The following CRACD variants were observed in gnomAD, a reference collection of about 807,000 sequenced individuals.
CRACD encodes capping protein inhibiting regulator of actin dynamics, also known as capping protein-inhibiting regulator of actin dynamics.
In CRACD, 56 loss-of-function variants were observed where a neutral mutation model predicts 106.8. That is an observed-to-expected ratio of 0.52 (90% CI 0.42 to 0.66). The LOEUF (loss-of-function observed/expected upper bound fraction) is 0.66, where lower values mean the gene tolerates loss of function less well. CRACD is among the 30% of genes least tolerant of loss of function. The pLI, the probability that CRACD is intolerant of heterozygous loss-of-function variation, is 0.00. For missense variants in CRACD, 1,730 were observed against 1,623.2 expected, an observed-to-expected ratio of 1.07 and a Z score of -1.13; for synonymous variants, 754 against 670.8, an observed-to-expected ratio of 1.12 and a Z score of -1.92.
intron 2 of CRACD, among the ~76,000 whole-genome samples, chr4:56,262,762 A>C (rs545801666): frequency 1.3e-5 from 2 of 152,342 alleles, no homozygotes; most frequent in East Asian, 3.9e-4. Flanking sequence ...TGTACTTTCA[A>C]AATCCCAAAA....
chr4:56,077,022 T>C (rs1216632521), intron 1 of CRACD, among the ~76,000 whole-genome samples: 1 of 152,220 alleles, frequency 6.6e-6, no homozygotes, highest in African/African-American at 2.4e-5. Flanking sequence ...TATAAGAGTA[T>C]GCTAGTGGGA....
At chr4:56,180,700 T>C (rs2109436494) in intron 2 of CRACD, among the ~76,000 whole-genome samples, 1 of 152,250 alleles carries the variant, frequency 6.6e-6, no homozygotes, top group Admixed American at 6.5e-5. Flanking sequence ...AAACTACTCA[T>C]TAGTTGTCTT....
chr4:56,189,207 T>G (rs1340625222), intron 2 of CRACD, among the ~76,000 whole-genome samples: 1 of 150,588 alleles, frequency 6.6e-6, no homozygotes, highest in African/African-American at 2.4e-5. Context: ...CCAAAAACCA[T>G]ATTGGACACT....
intron 1 of CRACD, among the ~76,000 whole-genome samples, chr4:56,056,717 A>G (rs1002692968): frequency 9.9e-5 from 15 of 152,066 alleles, no homozygotes; most frequent in African/African-American, 3.1e-4. Context: ...TGCTTGAGCT[A>G]GGGAGGTTGA....
chr4:56,162,015 C>T (rs549652755), intron 1 of CRACD, among the ~76,000 whole-genome samples: 76 of 152,168 alleles, frequency 5.0e-4, no homozygotes, highest in African/African-American at 1.7e-3. Flanking sequence ...CTGCCCGCCT[C>T]GGCCTCCCAA....
chr4:56,213,539 C>G (rs180883346), intron 2 of CRACD, among the ~76,000 whole-genome samples: 1 of 152,182 alleles, frequency 6.6e-6, no homozygotes, highest in Non-Finnish European at 1.5e-5. Context: ...CCCTACACCC[C>G]CAATCCCCAG....
intron 1 of CRACD, among the ~76,000 whole-genome samples, chr4:56,078,671 C>T (rs1379794100): frequency 6.6e-6 from 1 of 152,192 alleles, no homozygotes; most frequent in African/African-American, 2.4e-5. Context: ...CCGCCTTGGT[C>T]TCCCAAAGTG....
Position 56,314,964 on chromosome 4 carries a change from A to G in CRACD, c.1462A>G (p.Thr488Ala). The change falls in exon 8 of 11, where the codon ACG (threonine) becomes GCG (alanine). Residue 488 changes from threonine to alanine, a missense_variant. Transcript: ENST00000682029. This position sits in a 1 kb window ranked among gnomAD's most constrained non-coding sequence, Gnocchi z 4.4. ...CGAGGAAAAGAGAGAAGAAGGGGAC[A>G]CGGAGCCTCTCCTGAAACAAGAGGG... ...GPEEKREEGDTEPLLKQEGPV... is the reference protein window; with the variant it reads ...GPEEKREEGDAEPLLKQEGPV... 3 of 1,589,804 alleles carry G rather than the reference A, an allele frequency of 1.9e-6. No individual in the cohort carries two copies. Among genetic ancestry groups the G allele is most frequent in the African/African-American group, 2.7e-5 (2 of 74,830 alleles).
chr4:56,271,892 G>A (rs1742370607), intron 2 of CRACD, among the ~76,000 whole-genome samples: 1 of 152,076 alleles, frequency 6.6e-6, no homozygotes, highest in Admixed American at 6.6e-5. Context: ...CTAAAGGCGT[G>A]CACCACCAAC....
intron 1 of CRACD, among the ~76,000 whole-genome samples, chr4:56,083,646 T>C (rs1348160802): frequency 6.6e-6 from 1 of 152,156 alleles, no homozygotes; most frequent in African/African-American, 2.4e-5. Flanking sequence ...CCTAGACTAA[T>C]TGTTAATTTT....
intron 2 of CRACD, among the ~76,000 whole-genome samples, chr4:56,201,123 T>C (rs906507359): frequency 6.6e-6 from 1 of 152,230 alleles, no homozygotes; most frequent in South Asian, 2.1e-4. Context: ...TAATTATTTT[T>C]AAAATTTCTT....
At chr4:56,309,830 G>A (rs1745008621) in intron 5 of CRACD, among the ~76,000 whole-genome samples, 1 of 152,054 alleles carries the variant, frequency 6.6e-6, no homozygotes, top group Admixed American at 6.6e-5. Context: ...CTCCAGACTG[G>A]GCGACAGAGC....
intron 1 of CRACD, among the ~76,000 whole-genome samples, chr4:56,093,745 T>C (rs1313646596): frequency 6.6e-6 from 1 of 152,242 alleles, no homozygotes; most frequent in Non-Finnish European, 1.5e-5. Flanking sequence ...AAGACCTTGC[T>C]TATGCTTCAA....
At chr4:56,257,766 T>C (rs1741455634) in intron 2 of CRACD, among the ~76,000 whole-genome samples, 1 of 152,114 alleles carries the variant, frequency 6.6e-6, no homozygotes, top group Non-Finnish European at 1.5e-5. Context: ...GTCTGGTACC[T>C]TTTTAAGTCT....
At chr4:56,073,770 C>A (rs868546755) in intron 1 of CRACD, among the ~76,000 whole-genome samples, 1 of 135,978 alleles carries the variant, frequency 7.4e-6, no homozygotes, top group Non-Finnish European at 1.6e-5. Context: ...AGTCATGAAG[C>A]CTTTGCCCAT....
At chr4:56,313,099 TG>T in intron 6 of CRACD, 97 bp from the exon 7 acceptor site, 1 of 1,076,068 alleles carries the variant, frequency 9.3e-7, no homozygotes, top group Non-Finnish European at 1.4e-6. Flanking sequence ...TGGGCCAGGC[TG>T]GGCGAGGCGC....
intron 3 of CRACD, among the ~76,000 whole-genome samples, chr4:56,288,932 C>G (rs1294658779): frequency 6.6e-6 from 1 of 152,188 alleles, no homozygotes; most frequent in African/African-American, 2.4e-5. Flanking sequence ...TGGAATTATT[C>G]ATTCTTAAAA....
chr4:56,171,255 A>C (rs766843324), intron 1 of CRACD, among the ~76,000 whole-genome samples: 1 of 151,988 alleles, frequency 6.6e-6, no homozygotes, highest in African/African-American at 2.4e-5. Flanking sequence ...CCTAGAACTT[A>C]AAGTATAATA....
Position 56,134,404 on chromosome 4 carries a change from G to A in CRACD, c.-335-44880G>A, listed in dbSNP as rs75136994. Among the ~76,000 whole-genome samples the A allele has an allele frequency of 9.7e-4, 148 of 152,200 alleles. 1 individual carries two copies. The East Asian group carries it at 0.028, about 29-fold the overall frequency. ...GTGGCTTGGACCCAAGACCAAACTGGGGCCTGTAACATTCCTGCCCTCCCC... is the reference window on the plus strand; with the variant it reads ...GTGGCTTGGACCCAAGACCAAACTGAGGCCTGTAACATTCCTGCCCTCCCC... On this transcript the variant is annotated intron_variant, in intron 1 of 10. Transcript: ENST00000682029.
Sources: allele counts gnomAD v4.1 joint callset (sites outside exome capture counted in the v4.1 genomes callset), GRCh38; gene constraint gnomAD v4.1.1; non-coding constraint Gnocchi (gnomAD v3.1); transcripts MANE v1.5; gene names NCBI Gene and HGNC (gene_info 2026-07-23, HGNC 2026-07-21).